STOX2: variants seen among roughly 807,000 people sequenced by gnomAD.
STOX2 encodes the protein storkhead box 2, also known as storkhead-box protein 2.
Under a neutral mutation model 60.9 loss-of-function variants are expected in STOX2, and 28 were observed. The observed-to-expected ratio is 0.46, with a 90% CI of 0.34 to 0.63. STOX2 has a LOEUF of 0.63. Among genes scored for constraint, STOX2 ranks in the 30% least tolerant of loss-of-function variants. The probability of loss-of-function intolerance (pLI) is 0.01; values close to 1 mark genes in which losing one functional copy is unlikely to be tolerated. For synonymous variants in STOX2, 472 were observed against 463.9 expected (o/e 1.02, Z -0.22); for missense variants, 1,024 against 1,187.7 (o/e 0.86, Z 2.03).
intron 1 of STOX2, among the ~76,000 whole-genome samples, chr4:183,832,487 T>C (rs914949494): frequency 6.8e-4 from 3 of 4,404 alleles, no homozygotes; most frequent in Non-Finnish European, 1.2e-3. Flanking sequence ...TAACCGACTC[T>C]TTTTTTTTTT....
chr4:183,974,451 A>G (rs1013570226), intron 1 of STOX2, among the ~76,000 whole-genome samples: 2 of 152,120 alleles, frequency 1.3e-5, no homozygotes, highest in African/African-American at 4.8e-5. Context: ...GATTTTTTTT[A>G]AATGACCAAA....
chr4:183,967,152 C>T (rs1215739084), intron 1 of STOX2, among the ~76,000 whole-genome samples: 3 of 151,982 alleles, frequency 2.0e-5, no homozygotes, highest in Non-Finnish European at 4.4e-5. Context: ...CACCTGAGGT[C>T]GGGAGTTCAA....
At chr4:183,954,299 G>GTTTTTGTTTTTGT (rs1743181890) in intron 1 of STOX2, among the ~76,000 whole-genome samples, 1 of 151,712 alleles carries the variant, frequency 6.6e-6, no homozygotes, top group Non-Finnish European at 1.5e-5. Context: ...TTTTGTTTTT[G>GTTTTTGTTTTTGT]TTTTTTTGAG....
intron 1 of STOX2, among the ~76,000 whole-genome samples, chr4:183,925,317 T>C (rs994019844): frequency 5.9e-5 from 9 of 152,192 alleles, no homozygotes; most frequent in African/African-American, 2.2e-4. Flanking sequence ...CGGGTGAAAA[T>C]TTGAATCTTG....
intron 1 of STOX2, among the ~76,000 whole-genome samples, chr4:183,999,312 G>T (rs147385651): frequency 3.3e-5 from 5 of 152,040 alleles, no homozygotes; most frequent in African/African-American, 7.2e-5. Flanking sequence ...ACTCGGTCTC[G>T]CCTGCTACTG....
intron 1 of STOX2, among the ~76,000 whole-genome samples, chr4:183,927,848 G>A (rs914726158): frequency 2.0e-5 from 3 of 152,174 alleles, no homozygotes; most frequent in Non-Finnish European, 2.9e-5. Flanking sequence ...GAGGAGAACA[G>A]ACTTACCCTG....
At chr4:183,818,589 C>T (rs766980580) in intron 1 of STOX2, among the ~76,000 whole-genome samples, 19 of 152,278 alleles carry the variant, frequency 1.2e-4, no homozygotes, top group Non-Finnish European at 2.5e-4. Context: ...TCATCATGGC[C>T]CGTTCTCAAT....
chr4:183,917,037 T>C (rs1303696994), intron 1 of STOX2, among the ~76,000 whole-genome samples: 1 of 152,242 alleles, frequency 6.6e-6, no homozygotes, highest in Non-Finnish European at 1.5e-5. Context: ...GACTGGAAGC[T>C]CTTTCAGGCC....
At position 183,806,671 on chromosome 4, in the gene STOX2, G is replaced by A. The variant is rs1354093296; in HGVS notation, c.364+8616G>A. On this transcript the variant is annotated intron_variant, in intron 1 of 2. Transcript: ENST00000513034. The surrounding 1 kb of genome is among the most constrained non-coding windows in gnomAD (Gnocchi z 4.1). Reference sequence around the variant, plus strand: ...TGTCAGGTGCCTCCCTTCTTCCCCCGACCCCCACTTTCCCTCCAGGATTTG... The same window carrying A: ...TGTCAGGTGCCTCCCTTCTTCCCCCAACCCCCACTTTCCCTCCAGGATTTG... 1.3e-5 allele frequency among the ~76,000 whole-genome samples: 2 copies of A among 151,974 alleles called. No individual in the cohort carries two copies. The highest frequency in any genetic ancestry group is 2.1e-4 in the South Asian group (1 of 4,814).
At chr4:183,959,622 T>C (rs1385902240) in intron 1 of STOX2, among the ~76,000 whole-genome samples, 2 of 152,350 alleles carry the variant, frequency 1.3e-5, no homozygotes, top group African/African-American at 4.8e-5. Context: ...TATTTATTTA[T>C]TTATTTACTC....
At chr4:183,901,074 T>C (rs1028491777), upstream of STOX2, among the ~76,000 whole-genome samples, 7 of 152,146 alleles carry the variant, frequency 4.6e-5, no homozygotes, top group Non-Finnish European at 1.0e-4. Context: ...CCTTTCACCT[T>C]TCCTCCAGCC....
intron 3 of STOX2, chr4:184,013,971 T>C (rs1734261339): frequency 6.6e-6 from 1 of 152,104 alleles, no homozygotes; most frequent in Non-Finnish European, 1.5e-5. Context: ...AAAATTTTTG[T>C]AGATCCTTCT....
chr4:183,868,851 C>T, intron 1 of STOX2, among the ~76,000 whole-genome samples: 1 of 152,162 alleles, frequency 6.6e-6, no homozygotes, highest in East Asian at 1.9e-4. Context: ...AAGAGTAAGC[C>T]CTTTTATTAA....
intron 1 of STOX2, among the ~76,000 whole-genome samples, chr4:183,913,977 G>A (rs1272012814): frequency 6.6e-6 from 1 of 152,094 alleles, no homozygotes; most frequent in Non-Finnish European, 1.5e-5. Flanking sequence ...GAAATTATGG[G>A]TTTCTCTCGA....
At chr4:183,893,662 C>A (rs1741278658) in intron 1 of STOX2, among the ~76,000 whole-genome samples, 1 of 152,068 alleles carries the variant, frequency 6.6e-6, no homozygotes, top group Non-Finnish European at 1.5e-5. Flanking sequence ...ATATAAAATA[C>A]ACTATTATTT....
At chr4:183,822,821 A>G (rs571245779) in intron 1 of STOX2, among the ~76,000 whole-genome samples, 1 of 152,310 alleles carries the variant, frequency 6.6e-6, no homozygotes, top group Non-Finnish European at 1.5e-5. Flanking sequence ...CTTCATGGAA[A>G]CTCAGTGAGG....
upstream of STOX2, among the ~76,000 whole-genome samples, chr4:183,902,397 T>G (rs1026866187): frequency 6.6e-6 from 1 of 152,212 alleles, no homozygotes; most frequent in Admixed American, 6.5e-5. Flanking sequence ...AAATACCAAA[T>G]ATACACATTT....
chr4:184,017,807 T>TAGTTCA lies in STOX2; in HGVS notation c.*524_*525insGTTCAA, dbSNP rs1734443041. 2 of 151,820 alleles carry TAGTTCA rather than the reference T, an allele frequency of 1.3e-5. No homozygotes were observed. Among genetic ancestry groups the TAGTTCA allele is most frequent in the African/African-American group, 4.8e-5 (2 of 41,296 alleles). 9.4% of individuals were successfully genotyped at this position (151,820 alleles called of 1,614,324 possible). A position where few individuals can be genotyped will look rare whatever the true frequency, so the allele number is the denominator to read the frequency against. On this transcript the variant is annotated 3_prime_UTR_variant, in exon 4 of 4. Transcript: ENST00000308497. ...ACCTTGAGGGAAATAGATGCCAAACTAACTAGAAGGGACCCCGGCCCTTTG... is the reference window on the plus strand; with the variant it reads ...ACCTTGAGGGAAATAGATGCCAAACTAGTTCAAACTAGAAGGGACCCCGGCCCTTTG...
rs1050932269 is a variant in STOX2, at chr4:183,877,483, A to G, written c.364+79428A>G. On this transcript the variant is annotated intron_variant, in intron 1 of 2. Coordinates refer to the STOX2 transcript ENST00000513034. ...CAAAAGAATCAATGGATCAGAGCAT[A>G]TAGAGATTACTTTTGACCAAGGGAG... Among the ~76,000 whole-genome samples, 5 of 152,354 alleles carry G rather than the reference A, an allele frequency of 3.3e-5. No homozygotes were observed. In the East Asian group the frequency reaches 9.6e-4, roughly 29 times the overall value.
Sources: allele counts gnomAD v4.1 joint callset (sites outside exome capture counted in the v4.1 genomes callset), GRCh38; gene constraint gnomAD v4.1.1; non-coding constraint Gnocchi (gnomAD v3.1); transcripts MANE v1.5; gene names NCBI Gene and HGNC (gene_info 2026-07-23, HGNC 2026-07-21).